CNKSR3: variants seen among roughly 807,000 people sequenced by gnomAD.
CNKSR3 encodes CNKSR family member 3.
Under a neutral mutation model 67.7 loss-of-function variants are expected in CNKSR3, and 36 were observed. The observed-to-expected ratio is 0.53, with a 90% CI of 0.41 to 0.70. The LOEUF is 0.70. CNKSR3 is among the 30% of genes least tolerant of loss of function. The pLI is 0.00. For synonymous variants in CNKSR3, 281 were observed against 271.4 expected, an observed-to-expected ratio of 1.04 and a Z score of -0.35; for missense variants, 630 against 695.2, an observed-to-expected ratio of 0.91 and a Z score of 1.05.
rs909521491 is a variant in CNKSR3 at position 154,395,980 on chromosome 6, C to T, written c.*10374G>A. On this transcript the variant is annotated 3_prime_UTR_variant, in exon 13 of 13. Coordinates refer to ENST00000607772, the MANE Select transcript of CNKSR3 (RefSeq NM_173515.4). ...TCCTGGGCTCAAGCAATCCACCGGC[C>T]TCAGCCTCCCAAAATGCTGAGATTA... 2.0e-5 allele frequency: 3 copies of T among 152,482 alleles called. No homozygotes were observed. The highest frequency in any genetic ancestry group is 2.9e-5 in the Non-Finnish European group (2 of 68,180). The allele number at this position is 152,482 out of a possible 1,614,324, so 9.4% of individuals were successfully genotyped here.
At chr6:154,488,751 A>T (rs974300212) in intron 1 of CNKSR3, among the ~76,000 whole-genome samples, 1 of 152,250 alleles carries the variant, frequency 6.6e-6, no homozygotes, top group African/African-American at 2.4e-5. Flanking sequence ...GTCCTCCAAG[A>T]GATCATATAC....
intron 1 of CNKSR3, among the ~76,000 whole-genome samples, chr6:154,490,432 T>C (rs529655579): frequency 2.0e-5 from 3 of 152,338 alleles, no homozygotes; most frequent in Non-Finnish European, 4.4e-5. Context: ...ATTATGCATG[T>C]ATATATGATA....
rs9479832 is a variant in CNKSR3 at position 154,398,171 on chromosome 6, G to A, written c.*8183C>T. 20,188 of 152,170 alleles carry A rather than the reference G, an allele frequency of 0.13. 1,848 individuals are homozygous for A. Among genetic ancestry groups the A allele is most frequent in the Non-Finnish European group, 0.2 (13,854 of 67,976 alleles). 9.4% of individuals were successfully genotyped at this position (152,170 alleles called of 1,614,324 possible). A position where few individuals can be genotyped will look rare whatever the true frequency, so the allele number is the denominator to read the frequency against. ...CAACCCCACCCCAGTCCAGTGGTGCGGATCAATAAATCGAGACTTACGGCC... is the reference window on the plus strand; with the variant it reads ...CAACCCCACCCCAGTCCAGTGGTGCAGATCAATAAATCGAGACTTACGGCC... On this transcript the variant is annotated 3_prime_UTR_variant, in exon 13 of 13. Transcript: ENST00000607772.
intron 1 of CNKSR3, among the ~76,000 whole-genome samples, chr6:154,498,281 TA>T (rs1359111899): frequency 1.3e-5 from 2 of 152,062 alleles, no homozygotes; most frequent in Non-Finnish European, 2.9e-5. Context: ...ACTGGACAAT[TA>T]ACACCTGACC....
At chr6:154,422,830 C>A in intron 8 of CNKSR3, 85 bp downstream of exon 8, 1 of 1,290,046 alleles carries the variant, frequency 7.8e-7, no homozygotes. Context: ...ATATAAGCGG[C>A]AAATTTTAAA....
At chr6:154,450,067 G>T (rs185788439) in intron 2 of CNKSR3, 28 bp downstream of exon 2, 2 of 1,605,062 alleles carry the variant, frequency 1.2e-6, no homozygotes, top group South Asian at 1.1e-5. Context: ...ACGTCATCAC[G>T]GTACAGACCG....
At chr6:154,421,482 GGGCATTATAA>G (rs1785142295) in intron 9 of CNKSR3, among the ~76,000 whole-genome samples, 2 of 152,084 alleles carry the variant, frequency 1.3e-5, no homozygotes, top group African/African-American at 4.8e-5. Context: ...TCTTATAAAA[GGGCATTATAA>G]GGTTATTGCT....
chr6:154,475,230 C>T (rs1332448925), intron 1 of CNKSR3, among the ~76,000 whole-genome samples: 2 of 152,096 alleles, frequency 1.3e-5, no homozygotes, highest in Non-Finnish European at 2.9e-5. Flanking sequence ...CCAGAGAAGC[C>T]GGGAGGTAGA....
At position 154,442,188 on chromosome 6, in the gene CNKSR3, C is replaced by G. The variant is rs776457984; in HGVS notation, c.319G>C (p.Ala107Pro). 13 of 1,614,086 alleles carry G rather than the reference C, an allele frequency of 8.1e-6. No individual in the cohort carries two copies. The highest frequency in any genetic ancestry group is 1.6e-4 in the Middle Eastern group (1 of 6,062). ...TTGCGGGAGGTGTTGCCATCGTAAG[C>G]GGGACTTTTCCGTCGGCTACTTATG... ...NYISSRRKSP[A>P]YDGNTSRKAP... The change falls in exon 3 of 13, where the codon GCT (alanine) becomes CCT (proline). Residue 107 changes from alanine to proline, a missense_variant. Ala to Pro is a conservative substitution (Grantham distance 27, BLOSUM62 -1). Around this residue, in one of 3 missense-constraint regions of CNKSR3, gnomAD observed 189 missense variants for 205.0 expected, o/e 0.92. Transcript: ENST00000607772.
chr6:154,410,148 A>G (rs1784877740), intron 12 of CNKSR3, among the ~76,000 whole-genome samples, 195 bp downstream of exon 12: 1 of 152,212 alleles, frequency 6.6e-6, no homozygotes, highest in Non-Finnish European at 1.5e-5. Context: ...GGATTATATA[A>G]TTTTGCCATT....
At chr6:154,468,447 C>G (rs1786256971) in intron 1 of CNKSR3, among the ~76,000 whole-genome samples, 1 of 149,752 alleles carries the variant, frequency 6.7e-6, no homozygotes. Context: ...GACCATCTAA[C>G]CTAAAAAAGT....
At chr6:154,489,928 G>A (rs1786753214) in intron 1 of CNKSR3, among the ~76,000 whole-genome samples, 2 of 152,044 alleles carry the variant, frequency 1.3e-5, no homozygotes, top group South Asian at 2.1e-4. Context: ...TGTGACCTCC[G>A]GGGAACACTC....
chr6:154,509,570 C>T (rs1308460163), intron 1 of CNKSR3, among the ~76,000 whole-genome samples: 3 of 152,150 alleles, frequency 2.0e-5, no homozygotes, highest in Admixed American at 6.5e-5. Flanking sequence ...CAGACAGGCT[C>T]GGCGGACCCG....
At chr6:154,508,059 T>C (rs1443834520) in intron 1 of CNKSR3, among the ~76,000 whole-genome samples, 2 of 152,204 alleles carry the variant, frequency 1.3e-5, no homozygotes, top group Non-Finnish European at 2.9e-5. Flanking sequence ...TTGTACATTA[T>C]CAACTAAGCT....
chr6:154,496,262 TA>T (rs1562358237), intron 1 of CNKSR3, among the ~76,000 whole-genome samples: 1 of 151,796 alleles, frequency 6.6e-6, no homozygotes, highest in South Asian at 2.1e-4. Flanking sequence ...CCGACAAAAC[TA>T]AAAAAGAAAT....
chr6:154,426,832 A>G (rs1290879750), intron 7 of CNKSR3, among the ~76,000 whole-genome samples: 1 of 152,254 alleles, frequency 6.6e-6, no homozygotes, highest in Admixed American at 6.5e-5. Context: ...CTAGATTGCA[A>G]AACTTCAACT....
At chr6:154,501,413 G>A (rs573261385) in intron 1 of CNKSR3, among the ~76,000 whole-genome samples, 3 of 152,134 alleles carry the variant, frequency 2.0e-5, no homozygotes, top group East Asian at 1.9e-4. Flanking sequence ...CCCTGACCAC[G>A]ACTTGTAAGA....
rs1416590996 is a variant in CNKSR3, at chr6:154,390,538, G to A, written c.*15816C>T. On this transcript the variant is annotated 3_prime_UTR_variant, in exon 13 of 13. Coordinates refer to ENST00000607772, the MANE Select transcript of CNKSR3 (RefSeq NM_173515.4). ...ATAAATTTCTTCTTCCCTTCCTCTC[G>A]TCTCTGGACTATACCTTACAGCTTT... 3 of 152,168 alleles carry A rather than the reference G, an allele frequency of 2.0e-5. No individual in the cohort carries two copies. The highest frequency in any genetic ancestry group is 6.5e-5 in the Admixed American group (1 of 15,272). 9.4% of individuals were successfully genotyped at this position (152,168 alleles called of 1,614,324 possible).
chr6:154,433,594 G>T, intron 4 of CNKSR3, 87 bp from the exon 5 acceptor site: 2 of 1,024,420 alleles, frequency 2.0e-6, no homozygotes, highest in Non-Finnish European at 3.0e-6. Flanking sequence ...GACATTTTCT[G>T]CAGCTCAAGA....
Sources: gnomAD v4.1 joint callset for allele counts (sites outside exome capture counted in the v4.1 genomes callset) on GRCh38, gnomAD v4.1.1 for gene constraint, gnomAD v4.1.1 regional missense constraint, MANE v1.5 for transcripts, NCBI Gene and HGNC (gene_info 2026-07-23, HGNC 2026-07-21) for gene names.